EPB41L4B: variants seen among roughly 807,000 people sequenced by gnomAD.
The protein encoded by EPB41L4B is erythrocyte membrane protein band 4.1 like 4B.
EPB41L4B carries 30 observed loss-of-function variants against 112.5 expected under a neutral mutation model. The ratio of observed to expected loss-of-function variants is 0.27; its 90% CI spans 0.20 to 0.36. The LOEUF is 0.36. EPB41L4B is among the 10% of genes least tolerant of loss of function. The probability of loss-of-function intolerance (pLI) is 1.00; values close to 1 mark genes in which losing one functional copy is unlikely to be tolerated. For synonymous variants in EPB41L4B, 408 were observed against 439.7 expected (o/e 0.93, Z 0.90); for missense variants, 1,024 against 1,133.3 (o/e 0.90, Z 1.38).
At position 109,255,677 on chromosome 9, in the gene EPB41L4B, G is replaced by A. The variant is rs762932538; in HGVS notation, c.1003C>T (p.Arg335Cys). The A allele has an allele frequency of 9.3e-6, 15 of 1,611,878 alleles. No individual in the cohort carries two copies. Among genetic ancestry groups the A allele is most frequent in the African/African-American group, 2.7e-5 (2 of 74,870 alleles). ...AACACAAACGTGTGCTCTTGCTCAC[G>A]TCCCTTAAAGAGGAAGCACAAGGGC... ...LVVVEDDDQG[R>C]EQEHTFVFRL... Residue 335 changes from arginine (R) to cysteine (C), a missense_variant, in exon 11 of 26, where the codon CGT becomes TGT. Transcript: ENST00000374566.
At chr9:109,219,487 A>C (rs1035186085) in intron 15 of EPB41L4B, among the ~76,000 whole-genome samples, 3 of 152,064 alleles carry the variant, frequency 2.0e-5, no homozygotes, top group Admixed American at 6.6e-5. Flanking sequence ...CAGCCTCCTG[A>C]GTAGCTGGGA....
At chr9:109,192,864 T>C (rs931190330) in intron 21 of EPB41L4B, among the ~76,000 whole-genome samples, 1 of 152,110 alleles carries the variant, frequency 6.6e-6, no homozygotes, top group Non-Finnish European at 1.5e-5. Context: ...CGAGGTCTTT[T>C]AAGGGAGAAA....
rs1020043813 is a variant in EPB41L4B, at chr9:109,311,395, C to T, written c.306+8746G>A. Among the ~76,000 whole-genome samples the T allele has an allele frequency of 3.3e-5, 5 of 152,130 alleles. No individual in the cohort carries two copies. The East Asian group carries it at 7.7e-4, about 24-fold the overall frequency. On this transcript the variant is annotated intron_variant, in intron 1 of 25. Transcript: ENST00000374566. ...AAACCACAGAGCTGAGGGATGCCAGCTCTGCAGGCACCCGCTGAACCAGGC... is the reference window on the plus strand; with the variant it reads ...AAACCACAGAGCTGAGGGATGCCAGTTCTGCAGGCACCCGCTGAACCAGGC...
At position 109,267,527 on chromosome 9, in the gene EPB41L4B, A is replaced by C; in HGVS notation, c.479T>G (p.Phe160Cys). 6.2e-7 allele frequency: 1 copy of C among 1,613,408 alleles called. No homozygotes were observed. Among genetic ancestry groups the C allele is most frequent in the Non-Finnish European group, 8.5e-7 (1 of 1,179,320 alleles). The change falls in exon 4 of 26, where the codon TTT (phenylalanine) becomes TGT (cysteine). Residue 160 changes from phenylalanine (F) to cysteine (C), a missense_variant. By Grantham distance (205) the Phe-to-Cys change is radical. Coordinates refer to ENST00000374566, the MANE Select transcript of EPB41L4B (RefSeq NM_019114.5). Reference sequence around the variant, plus strand: ...TTCTGAAGAATAGTATTTAACTCGAAAGTGTAAAGCATAAGCAGGTCCAAC... The same window carrying C: ...TTCTGAAGAATAGTATTTAACTCGACAGTGTAAAGCATAAGCAGGTCCAAC... Reference protein sequence around the residue: ...MKIGPAYALHFRVKYYSSEPN... With the variant: ...MKIGPAYALHCRVKYYSSEPN...
intron 18 of EPB41L4B, among the ~76,000 whole-genome samples, chr9:109,204,596 A>ATCCTCCTG (rs1343936884): frequency 6.6e-6 from 1 of 152,094 alleles, no homozygotes; most frequent in Non-Finnish European, 1.5e-5. Flanking sequence ...GGCTCAATCA[A>ATCCTCCTG]TCCTCCTGCC....
At position 109,256,071 on chromosome 9, in the gene EPB41L4B, C is replaced by T. The variant is rs1834973176; in HGVS notation, c.929+65G>A. ...TTGCAGATACCCCTCAATAATCATC[C>T]ATCACATAGAATTCCACCACAAAAT... On this transcript the variant is annotated intron_variant, in intron 9 of 25. Transcript: ENST00000374566. The T allele has an allele frequency of 5.7e-6, 8 of 1,405,220 alleles. 1 individual carries two copies. The highest frequency in any genetic ancestry group is 3.5e-5 in the South Asian group (3 of 84,916). The allele number at this position is 1,405,220 out of a possible 1,614,324, so 87.0% of individuals were successfully genotyped here.
At chr9:109,211,235 G>A (rs1255286452) in intron 17 of EPB41L4B, among the ~76,000 whole-genome samples, 1 of 152,094 alleles carries the variant, frequency 6.6e-6, no homozygotes, top group Non-Finnish European at 1.5e-5. Flanking sequence ...GTCATGATCA[G>A]AAGTGAGAAG....
intron 15 of EPB41L4B, chr9:109,240,307 C>T (rs908802552): frequency 6.1e-6 from 6 of 985,204 alleles, no homozygotes; most frequent in Non-Finnish European, 6.0e-6. Context: ...TAAACAAATG[C>T]CTTAGGGAGA....
chr9:109,249,413 G>A (rs1052852961), intron 13 of EPB41L4B, among the ~76,000 whole-genome samples: 5 of 146,174 alleles, frequency 3.4e-5, no homozygotes, highest in African/African-American at 1.0e-4. Flanking sequence ...GATCCCACAG[G>A]CTGTGAAGAG....
chr9:109,306,579 C>G (rs1837201956), intron 1 of EPB41L4B, among the ~76,000 whole-genome samples: 1 of 151,648 alleles, frequency 6.6e-6, no homozygotes, highest in East Asian at 1.9e-4. Flanking sequence ...TGCCACTGCA[C>G]TCCAGCCTGG....
chr9:109,319,821 G>T (rs560140458), intron 1 of EPB41L4B, among the ~76,000 whole-genome samples: 2 of 152,102 alleles, frequency 1.3e-5, no homozygotes, highest in Non-Finnish European at 2.9e-5. Flanking sequence ...CCACACCAGG[G>T]GGGGCGGGGT....
At chr9:109,286,712 AG>A (rs1350470783) in intron 1 of EPB41L4B, among the ~76,000 whole-genome samples, 1 of 152,228 alleles carries the variant, frequency 6.6e-6, no homozygotes, top group Non-Finnish European at 1.5e-5. Context: ...TAGGAACTAA[AG>A]GAAGTTCTCA....
chr9:109,204,518 G>T (rs1172429564), intron 18 of EPB41L4B, among the ~76,000 whole-genome samples: 1 of 152,074 alleles, frequency 6.6e-6, no homozygotes, highest in African/African-American at 2.4e-5. Flanking sequence ...CTTGAGAGAG[G>T]GTCTGTTCTG....
chr9:109,301,096 A>G (rs933063068), intron 1 of EPB41L4B: 1 of 152,280 alleles, frequency 6.6e-6, no homozygotes, highest in Non-Finnish European at 1.5e-5. Flanking sequence ...ACATAAAAAT[A>G]AAATGGCAAT....
At chr9:109,285,381 C>T (rs767927191) in intron 1 of EPB41L4B, among the ~76,000 whole-genome samples, 2 of 152,156 alleles carry the variant, frequency 1.3e-5, no homozygotes, top group Non-Finnish European at 2.9e-5. Flanking sequence ...TCCTGCCATG[C>T]TAGATGCTCA....
intron 15 of EPB41L4B, among the ~76,000 whole-genome samples, chr9:109,225,799 G>A (rs917646213): frequency 6.6e-6 from 1 of 152,222 alleles, no homozygotes. Flanking sequence ...GATGATGGCA[G>A]TGGCTGGGGG....
chr9:109,182,474 G>C lies in EPB41L4B; in HGVS notation c.2487+255C>G, dbSNP rs111896325. Among the ~76,000 whole-genome samples, 6 of 152,316 alleles carry C rather than the reference G, an allele frequency of 3.9e-5. 1 individual carries two copies. The highest frequency in any genetic ancestry group is 1.4e-4 in the African/African-American group (6 of 41,576). Reference sequence around the variant, plus strand: ...TGGAGGACGCAATAAAAATGTATTGGAACTGATAGAAGTGGTCACTGCACA... The same window carrying C: ...TGGAGGACGCAATAAAAATGTATTGCAACTGATAGAAGTGGTCACTGCACA... On this transcript the variant is annotated intron_variant, in intron 24 of 25. Transcript: ENST00000374566.
At chr9:109,176,488 C>G in intron 25 of EPB41L4B, 63 bp downstream of exon 25, 1 of 1,525,044 alleles carries the variant, frequency 6.6e-7, no homozygotes, top group Non-Finnish European at 8.8e-7. Context: ...CACAATGAAC[C>G]TAGAGTCTCC....
chr9:109,235,596 C>T (rs940236305), intron 15 of EPB41L4B, among the ~76,000 whole-genome samples: 5 of 151,500 alleles, frequency 3.3e-5, no homozygotes, highest in Non-Finnish European at 5.9e-5. Flanking sequence ...CAGGGTTTCA[C>T]CATGTTGGCC....
Sources: allele counts gnomAD v4.1 joint callset (sites outside exome capture counted in the v4.1 genomes callset), GRCh38; gene constraint gnomAD v4.1.1; transcripts MANE v1.5; gene names NCBI Gene and HGNC (gene_info 2026-07-23, HGNC 2026-07-21).